SDK1: variants seen among roughly 807,000 people sequenced by gnomAD.
SDK1 encodes the protein sidekick cell adhesion molecule 1, also known as protein sidekick-1.
SDK1 carries 157 observed loss-of-function variants against 245.5 expected under a neutral mutation model. The ratio of observed to expected loss-of-function variants is 0.64; its 90% CI spans 0.56 to 0.73. The LOEUF (loss-of-function observed/expected upper bound fraction) is 0.73. Among genes scored for constraint, SDK1 ranks in the 30% least tolerant of loss-of-function variants. SDK1 has a pLI of 0.00. For missense variants in SDK1, 3,583 were observed against 3,002.3 expected (o/e 1.19, Z -4.52); for synonymous variants, 1,647 against 1,278.5 (o/e 1.29, Z -6.15).
At chr7:3,577,562 A>G (rs1043744359) in intron 1 of SDK1, among the ~76,000 whole-genome samples, 3 of 152,004 alleles carry the variant, frequency 2.0e-5, no homozygotes, top group African/African-American at 7.2e-5. Context: ...CAGTAGGTCC[A>G]TGATGGAACC....
At chr7:3,573,894 A>C (rs1025230175) in intron 1 of SDK1, among the ~76,000 whole-genome samples, 1 of 151,508 alleles carries the variant, frequency 6.6e-6, no homozygotes, top group Admixed American at 6.6e-5. Context: ...TGTGTAATTA[A>C]GCACTATGTT....
chr7:3,729,375 C>G (rs1042809076), intron 4 of SDK1, among the ~76,000 whole-genome samples: 21 of 152,196 alleles, frequency 1.4e-4, no homozygotes, highest in African/African-American at 5.1e-4. Context: ...GTAGCCTAGA[C>G]TATTGGTCGA....
chr7:3,967,474 A>G (rs759680190), intron 10 of SDK1, 40 bp downstream of exon 10: 21 of 1,248,902 alleles, frequency 1.7e-5, no homozygotes, highest in Non-Finnish European at 2.1e-5. Flanking sequence ...TGGCCCATGT[A>G]GAACATAACC....
chr7:3,677,034 C>T (rs1358441013), intron 4 of SDK1, among the ~76,000 whole-genome samples: 1 of 152,148 alleles, frequency 6.6e-6, no homozygotes, highest in Admixed American at 6.5e-5. Context: ...ACCTCTTGGC[C>T]TCTGGGATGT....
intron 2 of SDK1, among the ~76,000 whole-genome samples, chr7:3,631,902 T>C (rs1409396084): frequency 6.6e-6 from 1 of 152,204 alleles, no homozygotes; most frequent in Non-Finnish European, 1.5e-5. Context: ...ATATTTTTAA[T>C]TTGCTTATGC....
At chr7:3,357,062 A>C (rs1339150256) in intron 1 of SDK1, among the ~76,000 whole-genome samples, 1 of 151,358 alleles carries the variant, frequency 6.6e-6, no homozygotes, top group Non-Finnish European at 1.5e-5. Flanking sequence ...CGAAAAAAAA[A>C]AAAAAAAAAA....
chr7:4,238,023 G>A (rs1251925056), intron 42 of SDK1, among the ~76,000 whole-genome samples: 1 of 152,050 alleles, frequency 6.6e-6, no homozygotes, highest in Non-Finnish European at 1.5e-5. Context: ...ATGTGTCTTG[G>A]ATAAGGGCGT....
chr7:3,730,449 A>C (rs549146346), intron 4 of SDK1, among the ~76,000 whole-genome samples: 96 of 152,304 alleles, frequency 6.3e-4, no homozygotes, highest in African/African-American at 2.3e-3. Context: ...TTCAAAAAGC[A>C]GATTGTGTGA....
chr7:3,709,271 C>T (rs1431859056), intron 4 of SDK1, among the ~76,000 whole-genome samples: 1 of 152,234 alleles, frequency 6.6e-6, no homozygotes, highest in Non-Finnish European at 1.5e-5. Flanking sequence ...TAGGACCCCA[C>T]ATCCTTTGGG....
chr7:4,259,429 C>G (rs1434018181), intron 44 of SDK1, among the ~76,000 whole-genome samples: 3 of 152,204 alleles, frequency 2.0e-5, no homozygotes, highest in Admixed American at 6.5e-5. Flanking sequence ...GAGTGAAACT[C>G]TGTCTCAAAA....
chr7:3,877,109 G>GGATACAAATTCTGGCTA (rs1253861834), intron 5 of SDK1, among the ~76,000 whole-genome samples: 1 of 152,174 alleles, frequency 6.6e-6, no homozygotes, highest in Non-Finnish European at 1.5e-5. Flanking sequence ...AGAGAGGCAT[G>GGATACAAATTCTGGCTA]GATACAAATT....
intron 1 of SDK1, among the ~76,000 whole-genome samples, chr7:3,616,752 CTA>C (rs956985508): frequency 6.6e-6 from 1 of 152,058 alleles, no homozygotes; most frequent in African/African-American, 2.4e-5. Flanking sequence ...TATTTAAATT[CTA>C]TATATTCAGT....
chr7:3,655,341 G>A (rs556500508), intron 4 of SDK1, among the ~76,000 whole-genome samples: 3 of 150,354 alleles, frequency 2.0e-5, no homozygotes, highest in Admixed American at 2.0e-4. Context: ...GCTGAGGCAG[G>A]AGAATCACTT....
rs139772005 is a variant in SDK1 at position 3,564,966 on chromosome 7, G to A, written c.299-54114G>A. 2.0e-3 allele frequency among the ~76,000 whole-genome samples: 310 copies of A among 152,112 alleles called. 1 individual carries two copies. The highest frequency in any genetic ancestry group is 7.1e-3 in the African/African-American group (296 of 41,498). On this transcript the variant is annotated intron_variant, in intron 1 of 44. Transcript: ENST00000404826. ...TTAGGAGACAAATCTGGATTTCCAAGCAGAAGGAGATATAATATAGGGGAT... is the reference window on the plus strand; with the variant it reads ...TTAGGAGACAAATCTGGATTTCCAAACAGAAGGAGATATAATATAGGGGAT...
chr7:3,452,476 T>G (rs1262911074), intron 1 of SDK1, among the ~76,000 whole-genome samples: 1 of 152,070 alleles, frequency 6.6e-6, no homozygotes, highest in African/African-American at 2.4e-5. Context: ...ACCTTATAAT[T>G]AGTATGTCAA....
At chr7:3,453,611 G>A (rs1038390340) in intron 1 of SDK1, among the ~76,000 whole-genome samples, 1 of 152,194 alleles carries the variant, frequency 6.6e-6, no homozygotes. Flanking sequence ...GCTGCCTACT[G>A]TAAGAGGCAA....
chr7:3,804,701 C>T (rs1779196448), intron 4 of SDK1, among the ~76,000 whole-genome samples: 1 of 152,194 alleles, frequency 6.6e-6, no homozygotes, highest in South Asian at 2.1e-4. Flanking sequence ...AACTCTTTAT[C>T]ACTCTCCATT....
At chr7:3,796,388 T>A (rs1778960754) in intron 4 of SDK1, among the ~76,000 whole-genome samples, 1 of 152,212 alleles carries the variant, frequency 6.6e-6, no homozygotes, top group Non-Finnish European at 1.5e-5. Flanking sequence ...GCAGTGGATC[T>A]CAGAATGATA....
chr7:4,214,681 C>T (rs1036137916), intron 38 of SDK1, among the ~76,000 whole-genome samples: 6 of 152,178 alleles, frequency 3.9e-5, no homozygotes, highest in Non-Finnish European at 4.4e-5. Context: ...GGCTTGGGCA[C>T]GTTCCAGACT....
Sources: allele counts gnomAD v4.1 joint callset (sites outside exome capture counted in the v4.1 genomes callset), GRCh38; gene constraint gnomAD v4.1.1; transcripts MANE v1.5; gene names NCBI Gene and HGNC (gene_info 2026-07-23, HGNC 2026-07-21).